The following CGNL1 variants were observed in gnomAD, a reference collection of about 807,000 sequenced individuals.
CGNL1 encodes cingulin-like protein 1.
A neutral mutation model predicts 141.2 loss-of-function variants in CGNL1; 132 were observed. That is an observed-to-expected ratio of 0.93 (90% CI 0.81 to 1.08). The LOEUF is 1.08. CGNL1 is among the 50% of genes least tolerant of loss of function. CGNL1 has a pLI of 0.00. For synonymous variants in CGNL1, 690 were observed against 622.1 expected (o/e 1.11, Z -1.63); for missense variants, 1,870 against 1,588.6 (o/e 1.18, Z -3.01).
intron 1 of CGNL1, among the ~76,000 whole-genome samples, chr15:57,378,319 A>AAATCAGTG (rs1340416673): frequency 1.3e-5 from 2 of 148,206 alleles, no homozygotes; most frequent in Non-Finnish European, 3.0e-5. Context: ...ACCTGACCAC[A>AAATCAGTG]AATCAGTGGT....
chr15:57,406,036 A>T (rs958576904), intron 1 of CGNL1: 22 of 152,482 alleles, frequency 1.4e-4, no homozygotes, highest in African/African-American at 5.1e-4. Flanking sequence ...AGCAAAGCAG[A>T]GGTGGAGAAG....
chr15:57,401,389 C>A (rs1293486306), intron 1 of CGNL1, among the ~76,000 whole-genome samples: 1 of 152,126 alleles, frequency 6.6e-6, no homozygotes, highest in Non-Finnish European at 1.5e-5. Flanking sequence ...GAATTTTAAG[C>A]CTCAACTCCA....
At chr15:57,408,443 A>G (rs1342214768) in intron 1 of CGNL1, among the ~76,000 whole-genome samples, 1 of 152,196 alleles carries the variant, frequency 6.6e-6, no homozygotes, top group Non-Finnish European at 1.5e-5. Context: ...ATTATTCAAG[A>G]ATGTGACTTT....
chr15:57,387,066 C>G (rs1691571722), intron 1 of CGNL1, among the ~76,000 whole-genome samples: 1 of 152,138 alleles, frequency 6.6e-6, no homozygotes, highest in Non-Finnish European at 1.5e-5. Flanking sequence ...ACCCTGGACC[C>G]GTAGAGCAGT....
intron 1 of CGNL1, among the ~76,000 whole-genome samples, chr15:57,432,344 G>T (rs537474579): frequency 7.1e-4 from 108 of 152,280 alleles, no homozygotes; most frequent in African/African-American, 2.6e-3. Flanking sequence ...TAATCTCCAT[G>T]CTCAGCTGAT....
At chr15:57,429,166 C>T (rs1227494889) in intron 1 of CGNL1, among the ~76,000 whole-genome samples, 1 of 152,136 alleles carries the variant, frequency 6.6e-6, no homozygotes, top group Non-Finnish European at 1.5e-5. Context: ...TGAACCTGAG[C>T]ATAAGGTATG....
chr15:57,514,737 C>T lies in CGNL1; in HGVS notation c.2404-2043C>T, dbSNP rs532897951. ...TTTAAGAGTTTTATAGTTTTAGATCCTACATTTGGGCCTATGATCCATTTT... is the reference window on the plus strand; with the variant it reads ...TTTAAGAGTTTTATAGTTTTAGATCTTACATTTGGGCCTATGATCCATTTT... On this transcript the variant is annotated intron_variant, in intron 8 of 18. Coordinates refer to ENST00000281282, the MANE Select transcript of CGNL1 (RefSeq NM_032866.5). Among the ~76,000 whole-genome samples the T allele has an allele frequency of 3.3e-5, 5 of 152,158 alleles. 1 individual carries two copies. The South Asian group carries it at 1.0e-3, about 32-fold the overall frequency.
At chr15:57,504,904 C>G (rs1460284364) in intron 8 of CGNL1, among the ~76,000 whole-genome samples, 2 of 152,186 alleles carry the variant, frequency 1.3e-5, no homozygotes, top group African/African-American at 4.8e-5. Flanking sequence ...CCTGTTTGGT[C>G]AGCACCCCAA....
chr15:57,400,690 C>T (rs770528974), intron 1 of CGNL1, among the ~76,000 whole-genome samples: 5 of 151,978 alleles, frequency 3.3e-5, no homozygotes, highest in Non-Finnish European at 5.9e-5. Flanking sequence ...GGAGACCAGC[C>T]TGGCTAACCT....
chr15:57,385,225 G>A (rs1216144992), intron 1 of CGNL1, among the ~76,000 whole-genome samples: 4 of 152,170 alleles, frequency 2.6e-5, no homozygotes, highest in Non-Finnish European at 5.9e-5. Context: ...TTAAATGCAT[G>A]AGCTAGTAGA....
chr15:57,532,222 G>A (rs1375036546), intron 14 of CGNL1, among the ~76,000 whole-genome samples: 3 of 152,196 alleles, frequency 2.0e-5, no homozygotes, highest in East Asian at 1.9e-4. Flanking sequence ...CAGGTGTCTT[G>A]TAAATGAAGG....
chr15:57,477,280 A>G (rs2063668716), intron 8 of CGNL1, among the ~76,000 whole-genome samples: 1 of 152,140 alleles, frequency 6.6e-6, no homozygotes, highest in South Asian at 2.1e-4. Flanking sequence ...GGATGGGAAA[A>G]TCTTGTTTTT....
intron 18 of CGNL1, among the ~76,000 whole-genome samples, chr15:57,546,626 G>C (rs1319002026): frequency 5.9e-5 from 9 of 152,130 alleles, no homozygotes; most frequent in Non-Finnish European, 1.2e-4. Context: ...ATCCTCAAGA[G>C]GACTAGGATT....
intron 1 of CGNL1, among the ~76,000 whole-genome samples, chr15:57,412,231 C>G (rs879398755): frequency 2.0e-5 from 3 of 152,176 alleles, no homozygotes; most frequent in Admixed American, 1.3e-4. Context: ...GTGGGTGGCC[C>G]GAACCACCCT....
intron 6 of CGNL1, among the ~76,000 whole-genome samples, chr15:57,453,272 G>T (rs1310838664): frequency 2.0e-5 from 3 of 152,140 alleles, no homozygotes; most frequent in Non-Finnish European, 4.4e-5. Flanking sequence ...GGGCTGAACT[G>T]GCCCACAGAC....
chr15:57,396,677 T>C (rs184211142), intron 1 of CGNL1, among the ~76,000 whole-genome samples: 3 of 152,324 alleles, frequency 2.0e-5, no homozygotes, highest in Non-Finnish European at 2.9e-5. Flanking sequence ...CTGTATTCTA[T>C]ACTGTGAAAC....
intron 1 of CGNL1, among the ~76,000 whole-genome samples, chr15:57,427,983 TTC>T: frequency 6.6e-6 from 1 of 152,320 alleles, no homozygotes; most frequent in African/African-American, 2.4e-5. Flanking sequence ...TTTTTTTTTT[TTC>T]TTTTACATTG....
intron 1 of CGNL1, among the ~76,000 whole-genome samples, chr15:57,394,420 C>A (rs562378555): frequency 1.3e-5 from 2 of 152,072 alleles, no homozygotes; most frequent in Non-Finnish European, 2.9e-5. Context: ...CCACCATGCC[C>A]GGCTTATTTG....
At chr15:57,406,621 T>G (rs771324920) in intron 1 of CGNL1, among the ~76,000 whole-genome samples, 4 of 152,160 alleles carry the variant, frequency 2.6e-5, no homozygotes, top group African/African-American at 4.8e-5. Context: ...AGATGGGAAC[T>G]GAAAGCCTGG....
Sources: allele counts gnomAD v4.1 joint callset (sites outside exome capture counted in the v4.1 genomes callset), GRCh38; gene constraint gnomAD v4.1.1; transcripts MANE v1.5; gene names NCBI Gene and HGNC (gene_info 2026-07-23, HGNC 2026-07-21).